MAST4: variants seen among roughly 807,000 people sequenced by gnomAD.
MAST4 encodes microtubule-associated serine/threonine-protein kinase 4.
In MAST4, 89 loss-of-function variants were observed where a neutral mutation model predicts 162.7. The ratio of observed to expected loss-of-function variants is 0.55; its 90% CI spans 0.46 to 0.65. The LOEUF is 0.65. Ranked by LOEUF, MAST4 falls within the 30% of genes least tolerant of loss-of-function variation. The pLI, the probability that MAST4 is intolerant of heterozygous loss-of-function variation, is 0.00. For synonymous variants in MAST4, 1,479 were observed against 1,361.1 expected, an observed-to-expected ratio of 1.09 and a Z score of -1.91; for missense variants, 3,153 against 3,374.0, an observed-to-expected ratio of 0.93 and a Z score of 1.62.
At chr5:66,776,172 C>T (rs1754592200) in intron 2 of MAST4, among the ~76,000 whole-genome samples, 1 of 152,156 alleles carries the variant, frequency 6.6e-6, no homozygotes, top group Non-Finnish European at 1.5e-5. Context: ...ATTTTGTCAC[C>T]TCTATGGCAG....
At chr5:66,845,313 C>T (rs921113283) in intron 3 of MAST4, among the ~76,000 whole-genome samples, 1 of 151,634 alleles carries the variant, frequency 6.6e-6, no homozygotes, top group African/African-American at 2.4e-5. Flanking sequence ...GTTCCCCGCC[C>T]TGTGTCCAAG....
At chr5:66,964,444 T>A (rs1294336167) in intron 4 of MAST4, among the ~76,000 whole-genome samples, 1 of 152,010 alleles carries the variant, frequency 6.6e-6, no homozygotes, top group Non-Finnish European at 1.5e-5. Context: ...ATAGTGAATC[T>A]TCCTGTATCT....
chr5:66,649,211 T>C (rs1746056200), intron 1 of MAST4, among the ~76,000 whole-genome samples: 2 of 152,286 alleles, frequency 1.3e-5, no homozygotes, highest in South Asian at 4.1e-4. Context: ...TAAATCCTCT[T>C]ATTTAATATG....
chr5:66,767,461 T>C (rs1754153270), intron 2 of MAST4, among the ~76,000 whole-genome samples: 2 of 152,090 alleles, frequency 1.3e-5, no homozygotes, highest in Non-Finnish European at 2.9e-5. Context: ...GAGGAAATGA[T>C]GGCAAACCAT....
intron 4 of MAST4, among the ~76,000 whole-genome samples, chr5:66,983,554 A>T (rs529677913): frequency 6.6e-6 from 1 of 152,130 alleles, no homozygotes; most frequent in African/African-American, 2.4e-5. Flanking sequence ...CAGTTTCCTC[A>T]TCTGTATATT....
intron 21 of MAST4, 150 bp downstream of exon 21, chr5:67,142,683 CCT>C (rs1217174358): frequency 1.3e-4 from 81 of 608,692 alleles, no homozygotes; most frequent in Middle Eastern, 5.1e-4. Context: ...AAAGTGACCT[CCT>C]CAACTTATAG....
intron 1 of MAST4, among the ~76,000 whole-genome samples, chr5:66,703,079 C>A (rs367940563): frequency 6.6e-6 from 1 of 152,112 alleles, no homozygotes. Flanking sequence ...GCTCCCCTCC[C>A]CTGACGAGGT....
At chr5:66,887,562 C>T (rs566556161) in intron 3 of MAST4, among the ~76,000 whole-genome samples, 2 of 152,260 alleles carry the variant, frequency 1.3e-5, no homozygotes, top group East Asian at 3.9e-4. Flanking sequence ...TCATCAAGGG[C>T]CCTGGCTACT....
chr5:66,947,771 AT>A (rs1433472025), intron 4 of MAST4, among the ~76,000 whole-genome samples: 3 of 152,170 alleles, frequency 2.0e-5, no homozygotes, highest in African/African-American at 7.2e-5. Context: ...AAGTAAGTTG[AT>A]TTTTTATTTA....
At chr5:66,792,726 C>T (rs974815043) in intron 3 of MAST4, among the ~76,000 whole-genome samples, 2 of 152,026 alleles carry the variant, frequency 1.3e-5, no homozygotes, top group African/African-American at 4.8e-5. Flanking sequence ...ATCAGCCACT[C>T]AAAAAATATG....
chr5:66,700,781 TTATATATATA>T (rs60991449), intron 1 of MAST4, among the ~76,000 whole-genome samples: 3 of 142,782 alleles, frequency 2.1e-5, no homozygotes, highest in African/African-American at 7.7e-5. Context: ...AAAAAAAAAA[TTATATATATA>T]TATATATATA....
At chr5:66,754,289 G>T (rs1271797720) in intron 1 of MAST4, among the ~76,000 whole-genome samples, 1 of 152,118 alleles carries the variant, frequency 6.6e-6, no homozygotes, top group African/African-American at 2.4e-5. Context: ...CAGTTAAAAA[G>T]TTCAATGGTT....
Position 67,078,934 on chromosome 5 carries a change from ATATATATATATATATATG to A in MAST4, c.764-11227_764-11210del, listed in dbSNP as rs1378204547. 4.5e-3 allele frequency among the ~76,000 whole-genome samples: 438 copies of A among 97,776 alleles called. 20 individuals carry two copies. The highest frequency in any genetic ancestry group is 0.02 in the African/African-American group (423 of 21,536). The allele number at this position is 97,776 out of a possible 152,430, so 64.1% of individuals were successfully genotyped here. On this transcript the variant is annotated intron_variant, in intron 5 of 28. Transcript: ENST00000403625. Reference sequence around the variant, plus strand: ...TAAATATATATATATATATATATATATATATATATATATATATGGCAATCTGATGTTATCTGTCAAATT... The same window carrying A: ...TAAATATATATATATATATATATATAGCAATCTGATGTTATCTGTCAAATT...
rs981819881 is a variant in MAST4 at position 66,951,630 on chromosome 5, G to GTATGTA, written c.674+51649_674+51650insATGTAT. ...TGTGTGTGTGTGTGTGTGTGTGTGT[G>GTATGTA]TGTGTGTGTGTGTGTGTGTGTGTAT... On this transcript the variant is annotated intron_variant, in intron 4 of 28. Coordinates refer to ENST00000403625, the MANE Select transcript of MAST4 (RefSeq NM_001164664.2). Among the ~76,000 whole-genome samples the GTATGTA allele has an allele frequency of 1.5e-3, 223 of 147,228 alleles. 1 individual carries two copies. The highest frequency in any genetic ancestry group is 5.6e-3 in the African/African-American group (214 of 37,964).
chr5:66,620,394 T>C (rs559187692), intron 1 of MAST4, among the ~76,000 whole-genome samples: 3 of 152,322 alleles, frequency 2.0e-5, no homozygotes, highest in African/African-American at 7.2e-5. Flanking sequence ...AACAAAGTTA[T>C]GTAGTACTTC....
chr5:66,740,163 C>T (rs528234519), intron 1 of MAST4, among the ~76,000 whole-genome samples: 55 of 152,128 alleles, frequency 3.6e-4, no homozygotes, highest in African/African-American at 1.2e-3. Context: ...TAAATAAAGT[C>T]GAAAGGCCAT....
In MAST4 at chr5:67,149,373, C is replaced by T; in HGVS notation, c.3095-16C>T. On this transcript the variant is annotated splice_polypyrimidine_tract_variant and intron_variant, in intron 23 of 28. Transcript: ENST00000403625. ...TGGATTTTCCTGAATGTGTTTATCC[C>T]TTCTTCTTTGTACAGTTGGCAGTTT... The T allele has an allele frequency of 3.1e-6, 5 of 1,606,770 alleles. No homozygotes were observed. The highest frequency in any genetic ancestry group is 4.2e-6 in the Non-Finnish European group (5 of 1,176,504).
chr5:67,081,101 G>A (rs1284405493), intron 5 of MAST4, among the ~76,000 whole-genome samples: 2 of 111,618 alleles, frequency 1.8e-5, no homozygotes, highest in African/African-American at 4.1e-5. Context: ...ATATATAATT[G>A]TATATATTAT....
intron 4 of MAST4, among the ~76,000 whole-genome samples, chr5:66,970,746 G>T (rs1747331435): frequency 6.6e-6 from 1 of 152,206 alleles, no homozygotes; most frequent in Non-Finnish European, 1.5e-5. Context: ...TACATGCCTG[G>T]CACTGTTCTT....
Sources: gnomAD v4.1 joint callset for allele counts (sites outside exome capture counted in the v4.1 genomes callset) on GRCh38, gnomAD v4.1.1 for gene constraint, MANE v1.5 for transcripts, NCBI Gene and HGNC (gene_info 2026-07-23, HGNC 2026-07-21) for gene names.